Variants in ST7L observed in about 807,000 individuals in gnomAD.
ST7L encodes suppression of tumorigenicity 7 like.
In ST7L, 57 loss-of-function variants were observed where a neutral mutation model predicts 72.5. That is an observed-to-expected ratio of 0.79 (90% CI 0.64 to 0.98). The LOEUF (loss-of-function observed/expected upper bound fraction) is 0.98. Ranked by LOEUF, ST7L falls within the 50% of genes least tolerant of loss-of-function variation. The probability of loss-of-function intolerance (pLI) is 0.00; values close to 1 mark genes in which losing one functional copy is unlikely to be tolerated. For synonymous variants in ST7L, 221 were observed against 240.9 expected, an observed-to-expected ratio of 0.92 and a Z score of 0.77; for missense variants, 576 against 672.2, an observed-to-expected ratio of 0.86 and a Z score of 1.58.
At chr1:112,609,271 C>CTCAGTG (rs1668707604) in intron 3 of ST7L, among the ~76,000 whole-genome samples, 1 of 152,192 alleles carries the variant, frequency 6.6e-6, no homozygotes, top group Non-Finnish European at 1.5e-5. Context: ...GTGGCTCACG[C>CTCAGTG]CTGTAATCCT....
chr1:112,601,967 A>ACTC (rs1359782417), intron 3 of ST7L, among the ~76,000 whole-genome samples: 7 of 151,900 alleles, frequency 4.6e-5, no homozygotes, highest in Non-Finnish European at 8.8e-5. Flanking sequence ...AATCCCAGGT[A>ACTC]CTCAGGAGGC....
chr1:112,551,138 CTTTTTTTT>C (rs567601091), intron 12 of ST7L, among the ~76,000 whole-genome samples: 22 of 77,202 alleles, frequency 2.8e-4, no homozygotes, highest in Non-Finnish European at 3.6e-4. Context: ...ATGAGCAGAT[CTTTTTTTT>C]TTTTTTTTTT....
At chr1:112,581,527 T>A (rs1664116410) in intron 9 of ST7L, among the ~76,000 whole-genome samples, 1 of 151,824 alleles carries the variant, frequency 6.6e-6, no homozygotes, top group Non-Finnish European at 1.5e-5. Flanking sequence ...GCCTCCCAAG[T>A]AGCTGGGACT....
At chr1:112,549,017 G>GTA (rs149995691) in intron 13 of ST7L, among the ~76,000 whole-genome samples, 8 of 151,964 alleles carry the variant, frequency 5.3e-5, no homozygotes, top group Non-Finnish European at 8.8e-5. Context: ...GTGTGTGTGT[G>GTA]TGTGTGTGTG....
At chr1:112,574,439 C>A (rs1235090239) in intron 11 of ST7L, among the ~76,000 whole-genome samples, 4 of 151,782 alleles carry the variant, frequency 2.6e-5, no homozygotes, top group African/African-American at 7.3e-5. Flanking sequence ...GCGGGCGGAT[C>A]ACAAGGTCAG....
At chr1:112,591,374 A>C in intron 6 of ST7L, 151 bp downstream of exon 6, 1 of 620,622 alleles carries the variant, frequency 1.6e-6, no homozygotes, top group Non-Finnish European at 2.7e-6. Context: ...AGATGTTGGC[A>C]AACACTGAAA....
chr1:112,599,518 C>T (rs1203999753), intron 4 of ST7L, among the ~76,000 whole-genome samples: 2 of 152,130 alleles, frequency 1.3e-5, no homozygotes, highest in African/African-American at 4.8e-5. Flanking sequence ...TATCTTTGCT[C>T]ATAAGTTTCA....
chr1:112,547,265 T>C (rs569140154), intron 13 of ST7L, among the ~76,000 whole-genome samples: 6 of 150,382 alleles, frequency 4.0e-5, no homozygotes, highest in South Asian at 2.1e-4. Context: ...CGATCTCGGC[T>C]CACTGCAACC....
intron 6 of ST7L, among the ~76,000 whole-genome samples, chr1:112,590,049 C>T (rs1665459856): frequency 6.6e-6 from 1 of 152,142 alleles, no homozygotes; most frequent in Non-Finnish European, 1.5e-5. Flanking sequence ...ATGCATTTGC[C>T]TTTAAATGTT....
chr1:112,604,649 C>T (rs1667920803), intron 3 of ST7L, among the ~76,000 whole-genome samples: 1 of 151,824 alleles, frequency 6.6e-6, no homozygotes, highest in Non-Finnish European at 1.5e-5. Context: ...ACTTGAATGC[C>T]AGGCACAATG....
chr1:112,566,487 T>C (rs1405448977), intron 11 of ST7L, among the ~76,000 whole-genome samples: 3 of 151,828 alleles, frequency 2.0e-5, no homozygotes, highest in Non-Finnish European at 4.4e-5. Flanking sequence ...TTAGTCGAGA[T>C]GGGGTTTCAC....
At chr1:112,564,345 A>C (rs568959434) in intron 11 of ST7L, among the ~76,000 whole-genome samples, 3 of 152,144 alleles carry the variant, frequency 2.0e-5, no homozygotes, top group Non-Finnish European at 4.4e-5. Flanking sequence ...CCACAGTACA[A>C]CATAAGGGAA....
At chr1:112,617,972 C>T (rs764773785) in intron 1 of ST7L, 46 of 1,302,772 alleles carry the variant, frequency 3.5e-5, no homozygotes, top group Non-Finnish European at 4.7e-5. Context: ...ACCTATCCTC[C>T]AAAAAAACCA....
chr1:112,581,288 A>G (rs1664070826), intron 9 of ST7L, among the ~76,000 whole-genome samples: 1 of 152,062 alleles, frequency 6.6e-6, no homozygotes, highest in African/African-American at 2.4e-5. Flanking sequence ...CAGCACCCAT[A>G]CTTCTCCAAT....
intron 5 of ST7L, among the ~76,000 whole-genome samples, chr1:112,596,178 T>G (rs893611127): frequency 6.6e-6 from 1 of 152,006 alleles, no homozygotes; most frequent in Non-Finnish European, 1.5e-5. Context: ...CATAAATCTA[T>G]TTTTTTTACT....
intron 2 of ST7L, 52 bp downstream of exon 2, chr1:112,616,761 A>AAT (rs1669951630): frequency 2.5e-4 from 340 of 1,357,238 alleles, no homozygotes; most frequent in Non-Finnish European, 3.2e-4. Context: ...AAAAAAAAAA[A>AAT]TATCTTTAGA....
chr1:112,536,522 C>G (rs760006656), intron 14 of ST7L, among the ~76,000 whole-genome samples: 1 of 152,024 alleles, frequency 6.6e-6, no homozygotes, highest in Non-Finnish European at 1.5e-5. Flanking sequence ...GCATTTATAT[C>G]TGCTTATTCT....
At position 112,548,582 on chromosome 1, in the gene ST7L, T is replaced by C. The variant is rs1489376827; in HGVS notation, c.1489+2019A>G. On this transcript the variant is annotated intron_variant, in intron 13 of 14. Coordinates refer to ENST00000358039, the MANE Select transcript of ST7L (RefSeq NM_017744.5). ...GTTTAAACTTATCAACTAGTTAAGT[T>C]TGATAGTTGTAAACCTGCAATTTTC... Among the ~76,000 whole-genome samples the C allele has an allele frequency of 3.9e-5, 6 of 152,392 alleles. No homozygotes were observed. In the East Asian group the frequency reaches 7.7e-4, roughly 20 times the overall value.
At chr1:112,617,756 C>A (rs187477924) in intron 1 of ST7L, among the ~76,000 whole-genome samples, 2,992 of 145,650 alleles carry the variant, frequency 0.021, 103 homozygotes, top group African/African-American at 0.072. Flanking sequence ...CACACACACA[C>A]GAAACGTAAA....
Sources: allele counts gnomAD v4.1 joint callset (sites outside exome capture counted in the v4.1 genomes callset), GRCh38; gene constraint gnomAD v4.1.1; transcripts MANE v1.5; gene names NCBI Gene and HGNC (gene_info 2026-07-23, HGNC 2026-07-21).